The following GPC5 variants were observed in gnomAD, a reference collection of about 807,000 sequenced individuals.
GPC5 encodes the protein glypican-5.
Under a neutral mutation model 53.9 loss-of-function variants are expected in GPC5, and 47 were observed. That is an observed-to-expected ratio of 0.87 (90% confidence interval 0.69 to 1.11). GPC5 has a LOEUF of 1.11. Among genes scored for constraint, GPC5 ranks in the 50% most tolerant of loss-of-function variants. GPC5 has a pLI of 0.00. For synonymous variants in GPC5, 286 were observed against 263.3 expected (o/e 1.09, Z -0.84); for missense variants, 748 against 713.1 (o/e 1.05, Z -0.56).
chr13:92,527,005 A>T (rs1422329105), intron 7 of GPC5, among the ~76,000 whole-genome samples: 1 of 150,880 alleles, frequency 6.6e-6, no homozygotes, highest in Non-Finnish European at 1.5e-5. Flanking sequence ...AGGCAATATA[A>T]TTCTGGAATT....
At chr13:91,619,718 C>T (rs191524731) in intron 2 of GPC5, among the ~76,000 whole-genome samples, 1 of 152,070 alleles carries the variant, frequency 6.6e-6, no homozygotes, top group Non-Finnish European at 1.5e-5. Context: ...GCTACTGATT[C>T]ATTTTTATAG....
intron 7 of GPC5, among the ~76,000 whole-genome samples, chr13:92,780,512 G>C (rs192776687): frequency 6.6e-6 from 1 of 151,788 alleles, no homozygotes; most frequent in African/African-American, 2.4e-5. Flanking sequence ...GAGACTTTGC[G>C]TATAGACAGT....
At chr13:92,321,995 A>T (rs1374070366) in intron 7 of GPC5, among the ~76,000 whole-genome samples, 2 of 152,208 alleles carry the variant, frequency 1.3e-5, no homozygotes, top group African/African-American at 4.8e-5. Flanking sequence ...TAATTAAATG[A>T]ATTTATTCCT....
At chr13:92,418,719 T>C (rs1056501648) in intron 7 of GPC5, among the ~76,000 whole-genome samples, 1 of 152,210 alleles carries the variant, frequency 6.6e-6, no homozygotes, top group Admixed American at 6.5e-5. Flanking sequence ...AGTAATTGTT[T>C]TGTGTGCAAG....
intron 7 of GPC5, among the ~76,000 whole-genome samples, chr13:92,284,792 A>T (rs532970271): frequency 6.6e-6 from 1 of 152,226 alleles, no homozygotes; most frequent in Admixed American, 6.5e-5. Flanking sequence ...ATCATACTGA[A>T]TGGGCAAAAA....
intron 7 of GPC5, among the ~76,000 whole-genome samples, chr13:92,200,593 T>G (rs575235949): frequency 2.6e-5 from 4 of 152,354 alleles, no homozygotes; most frequent in Admixed American, 6.5e-5. Context: ...AGACTGTTTT[T>G]TGACAAGGTT....
At chr13:92,141,617 CT>C (rs2041831276) in intron 6 of GPC5, among the ~76,000 whole-genome samples, 1 of 152,104 alleles carries the variant, frequency 6.6e-6, no homozygotes, top group African/African-American at 2.4e-5. Context: ...TTCATTTTCT[CT>C]TCCTGCATAG....
In GPC5 at chr13:91,668,231, G is replaced by A. The variant is rs776059284; in HGVS notation, c.326-24956G>A. Among the ~76,000 whole-genome samples, 7 of 152,292 alleles carry A rather than the reference G, an allele frequency of 4.6e-5. No individual in the cohort carries two copies. In the East Asian group the frequency reaches 7.7e-4, roughly 17 times the overall value. ...TACAGTGGTGTTGTTTGAGCACTGC[G>A]CAAAGTAGGGAATGGGAGCCACATC... On this transcript the variant is annotated intron_variant, in intron 2 of 7. Coordinates refer to ENST00000377067, the MANE Select transcript of GPC5 (RefSeq NM_004466.6).
intron 5 of GPC5, among the ~76,000 whole-genome samples, chr13:91,901,614 C>T (rs189607190): frequency 6.6e-6 from 1 of 152,034 alleles, no homozygotes; most frequent in East Asian, 1.9e-4. Flanking sequence ...ATCTCTAGTC[C>T]TTGCTTTCAC....
intron 7 of GPC5, among the ~76,000 whole-genome samples, chr13:92,511,826 C>T (rs887686220): frequency 2.0e-5 from 3 of 152,192 alleles, no homozygotes; most frequent in Non-Finnish European, 2.9e-5. Context: ...CCCTTCCTGA[C>T]TTCATCATCT....
At chr13:91,768,152 G>T (rs1354005124) in intron 5 of GPC5, among the ~76,000 whole-genome samples, 2 of 152,054 alleles carry the variant, frequency 1.3e-5, no homozygotes, top group Admixed American at 1.3e-4. Flanking sequence ...AAAGTAAAAT[G>T]CTAGAAGGGA....
intron 2 of GPC5, among the ~76,000 whole-genome samples, chr13:91,659,860 G>T (rs1348527758): frequency 6.6e-6 from 1 of 152,200 alleles, no homozygotes; most frequent in Non-Finnish European, 1.5e-5. Context: ...GCTGTCATGT[G>T]TTGAGTGTGG....
intron 5 of GPC5, among the ~76,000 whole-genome samples, chr13:91,850,319 A>G (rs2038898651): frequency 6.6e-6 from 1 of 152,158 alleles, no homozygotes; most frequent in Non-Finnish European, 1.5e-5. Flanking sequence ...TTTACCCCTC[A>G]GGTGACATTT....
At chr13:92,487,094 G>T (rs955769607) in intron 7 of GPC5, among the ~76,000 whole-genome samples, 1 of 152,276 alleles carries the variant, frequency 6.6e-6, no homozygotes, top group African/African-American at 2.4e-5. Flanking sequence ...GACCTCAGGT[G>T]ATCTGCCTGC....
chr13:92,316,864 T>A (rs2043182854), intron 7 of GPC5, among the ~76,000 whole-genome samples: 1 of 152,104 alleles, frequency 6.6e-6, no homozygotes, highest in Non-Finnish European at 1.5e-5. Context: ...TACCCAAAAT[T>A]TTTAGACAAG....
chr13:92,361,486 G>T (rs934350831), intron 7 of GPC5, among the ~76,000 whole-genome samples: 2 of 151,898 alleles, frequency 1.3e-5, no homozygotes, highest in African/African-American at 2.4e-5. Context: ...GCCTGTGGGT[G>T]ATCAAAGCTA....
chr13:92,063,485 G>T lies in GPC5; in HGVS notation c.1402-81345G>T, dbSNP rs536129234. ...TAAAAATGAGAGTGAAACCTTCTGAGAAAGTATTTGCTCATTATTAATGAA... is the reference window on the plus strand; with the variant it reads ...TAAAAATGAGAGTGAAACCTTCTGATAAAGTATTTGCTCATTATTAATGAA... On this transcript the variant is annotated intron_variant, in intron 6 of 7. Transcript: ENST00000377067. 2.9e-4 allele frequency among the ~76,000 whole-genome samples: 44 copies of T among 152,228 alleles called. 1 individual carries two copies. The highest frequency in any genetic ancestry group is 9.6e-4 in the African/African-American group (40 of 41,546).
intron 5 of GPC5, among the ~76,000 whole-genome samples, chr13:91,770,660 G>A (rs191013130): frequency 6.0e-5 from 9 of 151,200 alleles, no homozygotes; most frequent in Middle Eastern, 3.4e-3. Context: ...TATCCCAGTC[G>A]CCGCTTTAGG....
At chr13:91,871,263 C>A in intron 5 of GPC5, among the ~76,000 whole-genome samples, 1 of 152,064 alleles carries the variant, frequency 6.6e-6, no homozygotes, top group African/African-American at 2.4e-5. Context: ...GAACAGAAAA[C>A]CAAATACCAC....
Sources: gnomAD v4.1 joint callset for allele counts (sites outside exome capture counted in the v4.1 genomes callset) on GRCh38, gnomAD v4.1.1 for gene constraint, MANE v1.5 for transcripts, NCBI Gene and HGNC (gene_info 2026-07-23, HGNC 2026-07-21) for gene names.